The following ADGRB3 variants were observed in gnomAD, a reference collection of about 807,000 sequenced individuals.
ADGRB3 encodes the protein brain-specific angiogenesis inhibitor 3.
Under a neutral mutation model 193.4 loss-of-function variants are expected in ADGRB3, and 37 were observed. That is an observed-to-expected ratio of 0.19 (90% confidence interval 0.15 to 0.25). The LOEUF is 0.25. ADGRB3 is among the 10% of genes least tolerant of loss of function. The pLI is 1.00. For synonymous variants in ADGRB3, 690 were observed against 644.2 expected, an observed-to-expected ratio of 1.07 and a Z score of -1.08; for missense variants, 1,637 against 1,852.9, an observed-to-expected ratio of 0.88 and a Z score of 2.14.
At position 68,682,832 on chromosome 6, in the gene ADGRB3, T is replaced by A. The variant is rs182267710; in HGVS notation, c.757+43400T>A. Among the ~76,000 whole-genome samples, 9 of 151,888 alleles carry A rather than the reference T, an allele frequency of 5.9e-5. No homozygotes were observed. In the East Asian group the frequency reaches 1.7e-3, roughly 29 times the overall value. ...CCCTCTTGACGCCCAGGCTGGAGTG[T>A]TGTGGCACAATCTCAGCTCACTGCA... On this transcript the variant is annotated intron_variant, in intron 3 of 31. Coordinates refer to ENST00000370598, the MANE Select transcript of ADGRB3 (RefSeq NM_001704.3).
rs186951671 is a variant in ADGRB3 at position 68,898,809 on chromosome 6, A to G, written c.758-31750A>G. ...CTTCCTCCCAAAATCCATAACCTCA[A>G]TCTAATCATGAGTAAAATATTAGGC... On this transcript the variant is annotated intron_variant, in intron 3 of 31. Transcript: ENST00000370598. Among the ~76,000 whole-genome samples the G allele has an allele frequency of 1.4e-3, 216 of 152,266 alleles. 2 individuals are homozygous for G. Among genetic ancestry groups the G allele is most frequent in the African/African-American group, 5.1e-3 (212 of 41,572 alleles).
intron 29 of ADGRB3, among the ~76,000 whole-genome samples, chr6:69,361,927 T>G (rs1292460739): frequency 4.6e-5 from 7 of 151,518 alleles, no homozygotes; most frequent in Non-Finnish European, 7.4e-5. Context: ...AAACTTAAAC[T>G]GAGATCTGCA....
At chr6:68,968,530 A>G (rs1768459049) in intron 8 of ADGRB3, among the ~76,000 whole-genome samples, 1 of 152,230 alleles carries the variant, frequency 6.6e-6, no homozygotes, top group Non-Finnish European at 1.5e-5. Context: ...ATTTCAAAGC[A>G]TTGAAAACCA....
chr6:69,040,044 A>G (rs993925782), intron 13 of ADGRB3, among the ~76,000 whole-genome samples: 7 of 152,062 alleles, frequency 4.6e-5, no homozygotes, highest in African/African-American at 7.2e-5. Flanking sequence ...CCGGCCCTAC[A>G]TAATCGTTTT....
At chr6:69,002,670 T>C (rs1769616374) in intron 11 of ADGRB3, among the ~76,000 whole-genome samples, 1 of 152,206 alleles carries the variant, frequency 6.6e-6, no homozygotes, top group South Asian at 2.1e-4. Context: ...GGCTTTTTTA[T>C]ATTAAAAATT....
intron 30 of ADGRB3, among the ~76,000 whole-genome samples, chr6:69,382,432 A>C (rs1769968825): frequency 6.6e-6 from 1 of 152,020 alleles, no homozygotes; most frequent in South Asian, 2.1e-4. Context: ...AGCATAAAAA[A>C]GTAATATTTC....
Position 68,711,904 on chromosome 6 carries a change from A to G in ADGRB3, c.757+72472A>G, listed in dbSNP as rs187851169. On this transcript the variant is annotated intron_variant, in intron 3 of 31. Transcript: ENST00000370598. ...ACCTAAGCTCTATGTCAGTGACAAT[A>G]TCTTACCTAATGAGGTAAGACTGGG... Among the ~76,000 whole-genome samples, 29 of 152,198 alleles carry G rather than the reference A, an allele frequency of 1.9e-4. 1 individual carries two copies. In the East Asian group the frequency reaches 5.4e-3, roughly 29 times the overall value.
intron 11 of ADGRB3, among the ~76,000 whole-genome samples, chr6:68,998,144 T>C (rs555231862): frequency 6.6e-6 from 1 of 152,194 alleles, no homozygotes; most frequent in African/African-American, 2.4e-5. Flanking sequence ...CAGAATATTG[T>C]ATTCACCTTA....
At chr6:68,808,600 A>C (rs924083346) in intron 3 of ADGRB3, among the ~76,000 whole-genome samples, 1 of 152,318 alleles carries the variant, frequency 6.6e-6, no homozygotes, top group Middle Eastern at 3.4e-3. Context: ...TTCAGATATA[A>C]TCATTACACA....
chr6:68,959,091 G>A (rs1768162100), intron 8 of ADGRB3, among the ~76,000 whole-genome samples: 1 of 151,818 alleles, frequency 6.6e-6, no homozygotes, highest in Non-Finnish European at 1.5e-5. Flanking sequence ...AACTTTTTAT[G>A]TGCAGTCACA....
chr6:69,267,535 G>GA (rs1767075206), intron 20 of ADGRB3, among the ~76,000 whole-genome samples: 1 of 150,954 alleles, frequency 6.6e-6, no homozygotes, highest in African/African-American at 2.4e-5. Context: ...TTTAAAAAGG[G>GA]AAAATACAAA....
At position 68,809,039 on chromosome 6, in the gene ADGRB3, C is replaced by T. The variant is rs528324666; in HGVS notation, c.758-121520C>T. Among the ~76,000 whole-genome samples, 914 of 148,334 alleles carry T rather than the reference C, an allele frequency of 6.2e-3. 5 individuals are homozygous for T. The highest frequency in any genetic ancestry group is 0.022 in the African/African-American group (869 of 40,366). On this transcript the variant is annotated intron_variant, in intron 3 of 31. Transcript: ENST00000370598. The stretch of plus-strand genomic sequence containing the variant: ...TAAAGTGTAAAGTTATTTGAACATT[C>T]CAAACCCTGGCCTGATTTTTTTAAT...
At chr6:68,734,408 T>C (rs1765833658) in intron 3 of ADGRB3, among the ~76,000 whole-genome samples, 1 of 152,036 alleles carries the variant, frequency 6.6e-6, no homozygotes, top group South Asian at 2.1e-4. Context: ...TTCTGTCAGC[T>C]TCTTCCTATT....
intron 3 of ADGRB3, among the ~76,000 whole-genome samples, chr6:68,787,774 C>T (rs1321893591): frequency 6.6e-6 from 1 of 152,108 alleles, no homozygotes; most frequent in African/African-American, 2.4e-5. Context: ...GCTGTGAATC[C>T]ATCTGGTCCT....
intron 20 of ADGRB3, among the ~76,000 whole-genome samples, chr6:69,240,608 A>G (rs1031444171): frequency 2.0e-5 from 3 of 151,948 alleles, no homozygotes; most frequent in Non-Finnish European, 2.9e-5. Flanking sequence ...GTACAAAATG[A>G]CCAACAGAAT....
chr6:69,353,073 T>C (rs541829512), intron 26 of ADGRB3, among the ~76,000 whole-genome samples: 1 of 152,270 alleles, frequency 6.6e-6, no homozygotes, highest in South Asian at 2.1e-4. Context: ...TGGAAAGATG[T>C]CCATCAACAG....
At chr6:69,270,664 A>G (rs1767153796) in intron 20 of ADGRB3, among the ~76,000 whole-genome samples, 1 of 152,192 alleles carries the variant, frequency 6.6e-6, no homozygotes, top group Non-Finnish European at 1.5e-5. Flanking sequence ...TAGTCCCCTT[A>G]AGTAACGATT....
chr6:69,289,122 G>T (rs1767613148), intron 20 of ADGRB3, among the ~76,000 whole-genome samples: 1 of 152,110 alleles, frequency 6.6e-6, no homozygotes, highest in Non-Finnish European at 1.5e-5. Context: ...AGAGCGTCCA[G>T]TTTTCTACCC....
chr6:68,915,021 A>G (rs1392224166), intron 3 of ADGRB3, among the ~76,000 whole-genome samples: 1 of 152,232 alleles, frequency 6.6e-6, no homozygotes, highest in African/African-American at 2.4e-5. Flanking sequence ...CCTTGCTACC[A>G]TAATTAACAC....
Sources: gnomAD v4.1 joint callset for allele counts (sites outside exome capture counted in the v4.1 genomes callset) on GRCh38, gnomAD v4.1.1 for gene constraint, MANE v1.5 for transcripts, NCBI Gene and HGNC (gene_info 2026-07-23, HGNC 2026-07-21) for gene names.